The following GUCY1A1 variants were observed in gnomAD, a reference collection of about 807,000 sequenced individuals.
GUCY1A1 encodes guanylate cyclase 1 soluble subunit alpha 1.
In GUCY1A1, 48 loss-of-function variants were observed where a neutral mutation model predicts 64.5. The observed-to-expected ratio is 0.74, with a 90% CI of 0.59 to 0.95. The LOEUF is 0.95. Ranked by LOEUF, GUCY1A1 falls within the 40% of genes least tolerant of loss-of-function variation. The pLI, the probability that GUCY1A1 is intolerant of heterozygous loss-of-function variation, is 0.00. For synonymous variants in GUCY1A1, 308 were observed against 303.4 expected (o/e 1.02, Z -0.16); for missense variants, 804 against 825.3 (o/e 0.97, Z 0.32).
chr4:155,714,619 T>A (rs1018565958), intron 7 of GUCY1A1, among the ~76,000 whole-genome samples: 2 of 152,232 alleles, frequency 1.3e-5, no homozygotes, highest in Non-Finnish European at 2.9e-5. Flanking sequence ...ACTTGCCACA[T>A]AACAATCTGA....
Position 155,735,372 on chromosome 4 carries a change from A to G in GUCY1A1, c.*5141A>G, listed in dbSNP as rs1208234905. The stretch of plus-strand genomic sequence containing the variant: ...GCCACACTTCTTTTATCACCAGTGC[A>G]GTTTTTTCCATCATCATAAACTTAG... On this transcript the variant is annotated 3_prime_UTR_variant, in exon 10 of 10. Transcript: ENST00000506455. 6.6e-6 allele frequency: 1 copy of G among 151,996 alleles called. No individual in the cohort carries two copies. The highest frequency in any genetic ancestry group is 1.5e-5 in the Non-Finnish European group (1 of 67,948). The allele number at this position is 151,996 out of a possible 1,614,324, so 9.4% of individuals were successfully genotyped here.
chr4:155,670,828 A>G (rs534935839), intron 2 of GUCY1A1, among the ~76,000 whole-genome samples: 78 of 152,328 alleles, frequency 5.1e-4, no homozygotes, highest in South Asian at 1.0e-3. Context: ...CAAGTCATCT[A>G]TCTCACCATA....
intron 8 of GUCY1A1, among the ~76,000 whole-genome samples, chr4:155,719,851 C>T (rs1733734866): frequency 6.6e-6 from 1 of 152,138 alleles, no homozygotes. Context: ...CAAGTGGTCT[C>T]AAATAGAAGA....
intron 2 of GUCY1A1, chr4:155,667,912 A>C (rs1733575777): frequency 6.6e-6 from 1 of 152,296 alleles, no homozygotes; most frequent in African/African-American, 2.4e-5. Flanking sequence ...GGGCAACTTC[A>C]CCCGGCCGGC....
At chr4:155,675,351 A>G (rs1470676442) in intron 2 of GUCY1A1, among the ~76,000 whole-genome samples, 2 of 151,578 alleles carry the variant, frequency 1.3e-5, no homozygotes, top group Non-Finnish European at 2.9e-5. Flanking sequence ...TATATGAAGT[A>G]TTTAGAGAGT....
intron 2 of GUCY1A1, among the ~76,000 whole-genome samples, chr4:155,678,351 C>T (rs1030146709): frequency 2.6e-5 from 4 of 152,112 alleles, no homozygotes; most frequent in Admixed American, 6.5e-5. Context: ...AACCACATTT[C>T]GAGAAATGCT....
Position 155,713,372 on chromosome 4 carries a change from T to C in GUCY1A1, c.1361T>C (p.Leu454Pro), listed in dbSNP as rs990958862. The C allele has an allele frequency of 1.9e-6, 3 of 1,614,050 alleles. No homozygotes were observed. Among genetic ancestry groups the C allele is most frequent in the Non-Finnish European group, 2.5e-6 (3 of 1,180,034 alleles). Residue 454 changes from leucine to proline, a missense_variant, in exon 7 of 10, where the codon CTG becomes CCG. Coordinates refer to ENST00000506455, the MANE Select transcript of GUCY1A1 (RefSeq NM_001130682.3). The stretch of plus-strand genomic sequence containing the variant: ...GAGAAGAAAAAGACAGTAGACCTTC[T>C]GTGCTCCATATTTCCCTGTGAGGTT... ...EEEKKKTVDLLCSIFPCEVAQ... is the reference protein window; with the variant it reads ...EEEKKKTVDLPCSIFPCEVAQ...
rs574541736 is a variant in GUCY1A1 at position 155,732,712 on chromosome 4, C to T, written c.*2481C>T. Among the ~76,000 whole-genome samples, 12 of 151,884 alleles carry T rather than the reference C, an allele frequency of 7.9e-5. No individual in the cohort carries two copies. The highest frequency in any genetic ancestry group is 2.2e-4 in the African/African-American group (9 of 41,486). ...CAGCCTGTAATCAGGTTGGGGATTA[C>T]GGGTACTGAGTTATGTTGCCATTTA... is the stretch of plus-strand genomic sequence containing the variant. On this transcript the variant is annotated 3_prime_UTR_variant, in exon 10 of 10. Transcript: ENST00000506455.
chr4:155,717,520 A>G (rs1733419383), intron 8 of GUCY1A1, among the ~76,000 whole-genome samples: 1 of 152,204 alleles, frequency 6.6e-6, no homozygotes, highest in Non-Finnish European at 1.5e-5. Context: ...AGAAGAACCC[A>G]TCTATAAGTT....
At chr4:155,687,981 T>C (rs1729212153) in intron 2 of GUCY1A1, among the ~76,000 whole-genome samples, 1 of 151,920 alleles carries the variant, frequency 6.6e-6, no homozygotes. Flanking sequence ...CCCAGCACTT[T>C]GGGAGGCCGA....
intron 2 of GUCY1A1, among the ~76,000 whole-genome samples, chr4:155,691,093 T>G (rs1729677330): frequency 6.6e-6 from 1 of 152,224 alleles, no homozygotes; most frequent in Admixed American, 6.5e-5. Context: ...ATCATCAAAT[T>G]TAATAAAGAG....
intron 2 of GUCY1A1, among the ~76,000 whole-genome samples, chr4:155,690,858 A>C (rs1048067372): frequency 1.3e-5 from 2 of 152,132 alleles, no homozygotes; most frequent in Non-Finnish European, 1.5e-5. Flanking sequence ...TTTACACATC[A>C]CTCTGACCTT....
intron 2 of GUCY1A1, among the ~76,000 whole-genome samples, chr4:155,683,116 G>A (rs908793662): frequency 6.6e-6 from 1 of 152,090 alleles, no homozygotes. Flanking sequence ...GCAAAAGGAG[G>A]ATAGGAAATT....
Position 155,708,253 on chromosome 4 carries a change from AAG to A in GUCY1A1, c.337_338del (p.Asp113LeufsTer2). On this transcript the variant is annotated frameshift_variant, in exon 5 of 10. Transcript: ENST00000506455. LOFTEE classifies it high-confidence loss of function. Reference sequence around the variant, plus strand: ...ATTTCCAGGAAATCTTTGGAAAGAGAAGACTTTGAAAAAACAATTGCAGAGCA... The same window carrying A: ...ATTTCCAGGAAATCTTTGGAAAGAGAACTTTGAAAAAACAATTGCAGAGCA... 6.5e-7 allele frequency: 1 copy of A among 1,528,274 alleles called. No individual in the cohort carries two copies. Among genetic ancestry groups the A allele is most frequent in the Non-Finnish European group, 9.1e-7 (1 of 1,103,126 alleles). The allele number at this position is 1,528,274 out of a possible 1,614,324, so 94.7% of individuals were successfully genotyped here.
intron 6 of GUCY1A1, among the ~76,000 whole-genome samples, chr4:155,712,392 A>G (rs1732691823): frequency 6.6e-6 from 1 of 152,070 alleles, no homozygotes; most frequent in African/African-American, 2.4e-5. Flanking sequence ...TCGTTCTCCT[A>G]AGCTCTACTT....
chr4:155,732,436 TC>T lies in GUCY1A1; in HGVS notation c.*2206del, dbSNP rs35999699. The T allele has an allele frequency of 0.038, 5,793 of 153,490 alleles. 139 individuals carry two copies. The highest frequency in any genetic ancestry group is 0.075 in the Middle Eastern group (22 of 294). 9.5% of individuals were successfully genotyped at this position (153,490 alleles called of 1,614,324 possible). Reference sequence around the variant, plus strand: ...TAAATACAGAATAATTTGTGGATCTTCAAAGAGGATGAACATACATTTCCAT... The same window carrying T: ...TAAATACAGAATAATTTGTGGATCTTAAAGAGGATGAACATACATTTCCAT... On this transcript the variant is annotated 3_prime_UTR_variant, in exon 10 of 10. Coordinates refer to ENST00000506455, the MANE Select transcript of GUCY1A1 (RefSeq NM_001130682.3).
chr4:155,730,250 A>G lies in GUCY1A1; in HGVS notation c.*19A>G. ...AGATTAGCAACCTATATACCTATTT[A>G]TAAGTCTTTGGGGTTTGACTCATTG... On this transcript the variant is annotated 3_prime_UTR_variant, in exon 10 of 10. Coordinates refer to ENST00000506455, the MANE Select transcript of GUCY1A1 (RefSeq NM_001130682.3). 2.6e-6 allele frequency: 4 copies of G among 1,510,360 alleles called. No individual in the cohort carries two copies. Among genetic ancestry groups the G allele is most frequent in the Non-Finnish European group, 3.7e-6 (4 of 1,086,770 alleles). 93.6% of individuals were successfully genotyped at this position (1,510,360 alleles called of 1,614,324 possible). A position where few individuals can be genotyped will look rare whatever the true frequency, so the allele number is the denominator to read the frequency against.
chr4:155,709,031 G>A (rs1732181445), intron 5 of GUCY1A1, among the ~76,000 whole-genome samples: 1 of 151,728 alleles, frequency 6.6e-6, no homozygotes, highest in African/African-American at 2.4e-5. Flanking sequence ...TATTTTGTAG[G>A]GCATTTTGCC....
Position 155,710,997 on chromosome 4 carries a change from C to A in GUCY1A1, c.832C>A (p.Pro278Thr). The change falls in exon 6 of 10, where the codon CCC (proline) becomes ACC (threonine). Residue 278 changes from proline (P) to threonine (T), a missense_variant. By Grantham distance (38) the Pro-to-Thr change is conservative. Coordinates refer to ENST00000506455, the MANE Select transcript of GUCY1A1 (RefSeq NM_001130682.3). ...PSKPQSSLVI[P>T]TSLFCKTFPF... is the part of the protein sequence containing the mutation. Reference sequence around the variant, plus strand: ...CAAACCCCAGTCCTCGCTGGTGATTCCCACATCGCTATTCTGCAAGACATT... The same window carrying A: ...CAAACCCCAGTCCTCGCTGGTGATTACCACATCGCTATTCTGCAAGACATT... The A allele has an allele frequency of 6.2e-7, 1 of 1,613,540 alleles. No individual in the cohort carries two copies. Among genetic ancestry groups the A allele is most frequent in the Admixed American group, 1.7e-5 (1 of 60,010 alleles).
Sources: gnomAD v4.1 joint callset for allele counts (sites outside exome capture counted in the v4.1 genomes callset) on GRCh38, gnomAD v4.1.1 for gene constraint, MANE v1.5 for transcripts, NCBI Gene and HGNC (gene_info 2026-07-23, HGNC 2026-07-21) for gene names.